Variants in NUTF2 observed in about 807,000 individuals in gnomAD.
NUTF2 encodes nuclear transport factor 2, also known as placental protein 15.
A neutral mutation model predicts 18.5 loss-of-function variants in NUTF2; 3 were observed. That is an observed-to-expected ratio of 0.16 (90% CI 0.07 to 0.42). The LOEUF is 0.42. Among genes scored for constraint, NUTF2 ranks in the 10% least tolerant of loss-of-function variants. NUTF2 has a pLI of 0.99. For missense variants in NUTF2, 44 were observed against 160.7 expected (o/e 0.27, Z 3.93); for synonymous variants, 51 against 57.9 (o/e 0.88, Z 0.54).
intron 1 of NUTF2, among the ~76,000 whole-genome samples, chr16:67,856,492 G>GT (rs34691084): frequency 0.16 from 21,123 of 129,160 alleles, 1,737 homozygotes; most frequent in African/African-American, 0.23. Flanking sequence ...CCCTGGCCCA[G>GT]TTTTTTTTTT....
intron 1 of NUTF2, among the ~76,000 whole-genome samples, chr16:67,854,323 A>G (rs1045588782): frequency 2.6e-5 from 4 of 152,092 alleles, no homozygotes; most frequent in Non-Finnish European, 4.4e-5. Context: ...AGACCCTCCT[A>G]TGGTCACTTT....
chr16:67,865,353 T>C, intron 2 of NUTF2, 124 bp downstream of exon 2: 1 of 648,428 alleles, frequency 1.5e-6, no homozygotes, highest in Non-Finnish European at 2.7e-6. Context: ...TATCTGAACT[T>C]TTGTCCACGG....
rs779054251 is a variant in NUTF2 at position 67,868,497 on chromosome 16, G to A, written c.172-4G>A. On this transcript the variant is annotated splice_region_variant and splice_polypyrimidine_tract_variant and intron_variant, in intron 3 of 4. Transcript: ENST00000219169. ...TCTCCCACCTCCCACTCTCTCTCTT[G>A]TAGAGCCTTCCGTTCCAGAAAATTC... is the stretch of plus-strand genomic sequence containing the variant. The A allele has an allele frequency of 1.1e-5, 18 of 1,613,890 alleles. No individual in the cohort carries two copies. The highest frequency in any genetic ancestry group is 6.7e-5 in the East Asian group (3 of 44,892).
intron 1 of NUTF2, among the ~76,000 whole-genome samples, chr16:67,861,136 G>C (rs1034863048): frequency 6.6e-6 from 1 of 152,278 alleles, no homozygotes; most frequent in Non-Finnish European, 1.5e-5. Context: ...CTCCAAATCT[G>C]GTCAGTCCAA....
Position 67,870,975 on chromosome 16 carries a change from A to T in NUTF2, c.*62A>T. 1 of 1,198,800 alleles carries T rather than the reference A, an allele frequency of 8.3e-7. No homozygotes were observed. Among genetic ancestry groups the T allele is most frequent in the South Asian group, 1.2e-5 (1 of 81,072 alleles). The allele number at this position is 1,198,800 out of a possible 1,614,324, so 74.3% of individuals were successfully genotyped here. ...CCCTCCTCTTCCCAATACTATTCCCACTCCTCCAGATGCTCCAAATATCAT... is the reference window on the plus strand; with the variant it reads ...CCCTCCTCTTCCCAATACTATTCCCTCTCCTCCAGATGCTCCAAATATCAT... On this transcript the variant is annotated 3_prime_UTR_variant, in exon 5 of 5. Coordinates refer to ENST00000219169, the MANE Select transcript of NUTF2 (RefSeq NM_005796.3).
intron 1 of NUTF2, among the ~76,000 whole-genome samples, chr16:67,848,245 G>A (rs2057822759): frequency 6.6e-6 from 1 of 152,178 alleles, no homozygotes; most frequent in African/African-American, 2.4e-5. Context: ...GAGATGGCAT[G>A]TAAAGCGTTG....
chr16:67,868,630 G>A (rs1286386943), intron 4 of NUTF2, 31 bp downstream of exon 4: 2 of 1,597,006 alleles, frequency 1.3e-6, no homozygotes, highest in Non-Finnish European at 1.7e-6. Context: ...GTAGGGAGGG[G>A]TGGGCAGGCA....
chr16:67,853,994 A>G (rs1847377636), intron 1 of NUTF2, among the ~76,000 whole-genome samples: 1 of 151,746 alleles, frequency 6.6e-6, no homozygotes, highest in Non-Finnish European at 1.5e-5. Context: ...TCTGTCACCT[A>G]GGCTAGAGTG....
chr16:67,861,925 CAA>C (rs1173264975), intron 1 of NUTF2, among the ~76,000 whole-genome samples: 1 of 151,968 alleles, frequency 6.6e-6, no homozygotes, highest in East Asian at 1.9e-4. Flanking sequence ...TTTTTGGACT[CAA>C]GAGTGTTGCC....
intron 1 of NUTF2, among the ~76,000 whole-genome samples, chr16:67,864,814 G>A (rs557375244): frequency 1.1e-4 from 17 of 152,092 alleles, no homozygotes; most frequent in Admixed American, 9.8e-4. Context: ...TTTCTTTGTT[G>A]TAGATCTACC....
At chr16:67,848,036 G>A (rs2057820565) in intron 1 of NUTF2, among the ~76,000 whole-genome samples, 1 of 152,172 alleles carries the variant, frequency 6.6e-6, no homozygotes, top group South Asian at 2.1e-4. Context: ...CCCAACAACT[G>A]GAGCTGCCTG....
chr16:67,848,022 A>G (rs1341437422), intron 1 of NUTF2, among the ~76,000 whole-genome samples: 20 of 152,102 alleles, frequency 1.3e-4, no homozygotes, highest in Non-Finnish European at 2.9e-4. Flanking sequence ...TTGCTTGCTC[A>G]CTTCCCAACA....
rs1434667665 is a variant in NUTF2, at chr16:67,872,388, A to C, written c.*1475A>C. The C allele has an allele frequency of 6.6e-6, 1 of 152,186 alleles. No homozygotes were observed. Among genetic ancestry groups the C allele is most frequent in the Non-Finnish European group, 1.5e-5 (1 of 68,054 alleles). 9.4% of individuals were successfully genotyped at this position (152,186 alleles called of 1,614,324 possible). The stretch of plus-strand genomic sequence containing the variant: ...AGGGCTGGATGGTGTGCTGTTTGAG[A>C]GGACAGCATGCTCAGGAGATTTCAG... On this transcript the variant is annotated 3_prime_UTR_variant, in exon 5 of 5. Coordinates refer to ENST00000219169, the MANE Select transcript of NUTF2 (RefSeq NM_005796.3).
At position 67,855,093 on chromosome 16, in the gene NUTF2, C is replaced by T. The variant is rs2057886259; in HGVS notation, c.-30+8108C>T. Among the ~76,000 whole-genome samples, 2 of 152,062 alleles carry T rather than the reference C, an allele frequency of 1.3e-5. 1 individual carries two copies. Among genetic ancestry groups the T allele is most frequent in the South Asian group, 4.1e-4 (2 of 4,826 alleles). On this transcript the variant is annotated intron_variant, in intron 1 of 4. Transcript: ENST00000219169. ...TGCAGTTCAGTTTGAGTTGGCTACC[C>T]CTTTCCTGGCTTTGTGATTCTGTGA...
At chr16:67,867,991 T>G (rs2057985812) in intron 2 of NUTF2, among the ~76,000 whole-genome samples, 2 of 152,222 alleles carry the variant, frequency 1.3e-5, no homozygotes, top group African/African-American at 4.8e-5. Context: ...TGGCCACATT[T>G]CTGATGACCT....
intron 1 of NUTF2, among the ~76,000 whole-genome samples, chr16:67,862,271 C>T (rs894078104): frequency 2.0e-5 from 3 of 152,144 alleles, no homozygotes; most frequent in Admixed American, 2.0e-4. Flanking sequence ...CAAGACCCAG[C>T]GACATCACTG....
chr16:67,855,989 G>T, intron 1 of NUTF2: 1 of 1,239,118 alleles, frequency 8.1e-7, no homozygotes, highest in Non-Finnish European at 1.2e-6. Context: ...GGTGCCAGCG[G>T]CCTTGGTGAC....
intron 1 of NUTF2, among the ~76,000 whole-genome samples, chr16:67,849,240 TTGTC>T (rs2057833160): frequency 6.6e-6 from 1 of 152,328 alleles, no homozygotes; most frequent in South Asian, 2.1e-4. Context: ...ACCCTGTAGA[TTGTC>T]TGCGTGGGTA....
chr16:67,866,780 G>T (rs998278467), intron 2 of NUTF2, among the ~76,000 whole-genome samples: 5 of 151,430 alleles, frequency 3.3e-5, no homozygotes, highest in African/African-American at 1.2e-4. Flanking sequence ...CCTAATTTTT[G>T]TATTTTTAGT....
Sources: gnomAD v4.1 joint callset for allele counts (sites outside exome capture counted in the v4.1 genomes callset) on GRCh38, gnomAD v4.1.1 for gene constraint, MANE v1.5 for transcripts, NCBI Gene and HGNC (gene_info 2026-07-23, HGNC 2026-07-21) for gene names.